The following FHAD1 variants were observed in gnomAD, a reference collection of about 807,000 sequenced individuals.
The protein encoded by FHAD1 is forkhead-associated domain-containing protein 1.
In FHAD1, 146 loss-of-function variants were observed where a neutral mutation model predicts 191.3. That is an observed-to-expected ratio of 0.76 (90% CI 0.67 to 0.88). The LOEUF (loss-of-function observed/expected upper bound fraction) is 0.88. Ranked by LOEUF, FHAD1 falls within the 40% of genes least tolerant of loss-of-function variation. FHAD1 has a pLI of 0.00. For missense variants in FHAD1, 1,635 were observed against 1,785.8 expected (o/e 0.92, Z 1.52); for synonymous variants, 616 against 672.3 (o/e 0.92, Z 1.29).
chr1:15,251,674 T>C (rs1042631212), intron 1 of FHAD1, 97 bp from the exon 2 acceptor site: 196 of 938,864 alleles, frequency 2.1e-4, no homozygotes, highest in Middle Eastern at 2.8e-4. Context: ...ACTTTGGACA[T>C]GACTCTGTGG....
chr1:15,313,932 C>T (rs559252956), intron 8 of FHAD1, among the ~76,000 whole-genome samples: 2 of 151,710 alleles, frequency 1.3e-5, no homozygotes, highest in East Asian at 1.9e-4. Context: ...ATTAGCCAGG[C>T]GCCTGTAATC....
chr1:15,246,824 CTCTT>C (rs927769388), upstream of FHAD1, among the ~76,000 whole-genome samples: 2 of 152,050 alleles, frequency 1.3e-5, no homozygotes, highest in African/African-American at 4.8e-5. Context: ...CCTCTTCTTA[CTCTT>C]TCTATTTTCT....
chr1:15,366,404 C>G (rs755744120), intron 24 of FHAD1, among the ~76,000 whole-genome samples: 54 of 152,154 alleles, frequency 3.5e-4, no homozygotes, highest in Non-Finnish European at 1.0e-4. Flanking sequence ...GGATATGTCC[C>G]TGATTCCTAC....
In FHAD1 at chr1:15,295,634, C is replaced by CATATAT. The variant is rs34586844; in HGVS notation, c.569-1040_569-1035dup. 1.8e-3 allele frequency among the ~76,000 whole-genome samples: 268 copies of CATATAT among 150,508 alleles called. 3 individuals are homozygous for CATATAT. The highest frequency in any genetic ancestry group is 6.3e-3 in the African/African-American group (257 of 41,054). ...CTGTGTGTGTGTCTCTCTCTCTAAA[C>CATATAT]ATATATATATATATACACACATACT... On this transcript the variant is annotated intron_variant, in intron 4 of 33. Transcript: ENST00000688493.
In FHAD1 at chr1:15,352,938, A is replaced by C; in HGVS notation, c.2516A>C (p.Lys839Thr). Residue 839 changes from lysine to threonine, a missense_variant, in exon 20 of 34, where the codon AAG becomes ACG. Lys to Thr is a moderately conservative substitution (Grantham distance 78). Transcript: ENST00000688493. ...RKAKEAMEKE[K>T]KKVQDLENRL... ...GCAAAGGAGGCCATGGAGAAGGAAA[A>C]GAAAAAGGTGCAAGACCTGGAGAAT... is the stretch of plus-strand genomic sequence containing the variant. 6.4e-7 allele frequency: 1 copy of C among 1,551,512 alleles called. No homozygotes were observed. Among genetic ancestry groups the C allele is most frequent in the Non-Finnish European group, 8.7e-7 (1 of 1,146,984 alleles).
intron 4 of FHAD1, 103 bp from the exon 5 acceptor site, chr1:15,296,581 A>C: frequency 1.8e-6 from 2 of 1,083,450 alleles, no homozygotes; most frequent in Non-Finnish European, 2.8e-6. Flanking sequence ...TAAAATATCA[A>C]TCTCTGGGGG....
In FHAD1 at chr1:15,350,214, C is replaced by T. The variant is rs115178388; in HGVS notation, c.2454+1065C>T. On this transcript the variant is annotated intron_variant, in intron 19 of 33. Transcript: ENST00000688493. ...TGGGTGCCACAGACACCGCAGTGAGCAAGACAGACCAGGGCCAGGCTGCCA... is the reference window on the plus strand; with the variant it reads ...TGGGTGCCACAGACACCGCAGTGAGTAAGACAGACCAGGGCCAGGCTGCCA... Among the ~76,000 whole-genome samples, 901 of 152,388 alleles carry T rather than the reference C, an allele frequency of 5.9e-3. 3 individuals carry two copies. Among genetic ancestry groups the T allele is most frequent in the Non-Finnish European group, 0.01 (699 of 68,036 alleles).
At chr1:15,367,646 G>C (rs953402519) in intron 25 of FHAD1, 24 bp downstream of exon 25, 4 of 1,495,698 alleles carry the variant, frequency 2.7e-6, no homozygotes, top group African/African-American at 1.4e-5. Context: ...GGGCCGGGTT[G>C]GGGGGATGGT....
intron 3 of FHAD1, 103 bp downstream of exon 3, chr1:15,272,632 T>TCTTCATTGGCTTCGTTTG: frequency 9.8e-7 from 1 of 1,017,944 alleles, no homozygotes; most frequent in African/African-American, 1.6e-5. Context: ...GGTGCCACTG[T>TCTTCATTGGCTTCGTTTG]GATCGCACGC....
At chr1:15,307,320 C>T (rs989530951) in intron 6 of FHAD1, among the ~76,000 whole-genome samples, 10 of 152,108 alleles carry the variant, frequency 6.6e-5, no homozygotes, top group South Asian at 2.1e-4. Flanking sequence ...GGCTCATAGG[C>T]GGGAAGGACT....
At chr1:15,307,600 G>A (rs546553786) in intron 6 of FHAD1, among the ~76,000 whole-genome samples, 1 of 152,264 alleles carries the variant, frequency 6.6e-6, no homozygotes, top group South Asian at 2.1e-4. Flanking sequence ...TAGTTACAGG[G>A]AATAAGTCTC....
chr1:15,289,422 C>T lies in FHAD1; in HGVS notation c.324C>T (p.Gly108=). 6.4e-7 allele frequency: 1 copy of T among 1,551,750 alleles called. No homozygotes were observed. The highest frequency in any genetic ancestry group is 8.7e-7 in the Non-Finnish European group (1 of 1,147,010). ...PPPVSFPWMR[G]PAPWPGPQPP... is the part of the protein sequence containing the mutation. The stretch of plus-strand genomic sequence containing the variant: ...AGGTCTCTTTCCCATGGATGAGGGG[C>T]CCAGCACCATGGCCAGGGCCACAGC... The change falls in exon 4 of 34, where the codon GGC becomes GGT. Residue 108 remains glycine, a synonymous_variant. Transcript: ENST00000688493. The surrounding 1 kb of genome is among the most constrained non-coding windows in gnomAD (Gnocchi z 4.2).
intron 2 of FHAD1, among the ~76,000 whole-genome samples, chr1:15,265,717 A>G (rs1653119018): frequency 6.6e-6 from 1 of 152,144 alleles, no homozygotes; most frequent in African/African-American, 2.4e-5. Flanking sequence ...CACACCTGTA[A>G]TCCCAGCACT....
chr1:15,284,019 A>G (rs1158535486), intron 3 of FHAD1, among the ~76,000 whole-genome samples: 1 of 152,208 alleles, frequency 6.6e-6, no homozygotes, highest in Non-Finnish European at 1.5e-5. Flanking sequence ...ACCTGGGGCA[A>G]GTCTCTGAAC....
At chr1:15,345,976 G>A (rs1050631971) in intron 18 of FHAD1, among the ~76,000 whole-genome samples, 6 of 152,170 alleles carry the variant, frequency 3.9e-5, no homozygotes, top group Non-Finnish European at 8.8e-5. Context: ...CCGACAGAAA[G>A]TTTTCCCTTT....
Position 15,381,974 on chromosome 1 carries a change from T to C in FHAD1, c.4023-54T>C, listed in dbSNP as rs544874318. 2 of 1,535,596 alleles carry C rather than the reference T, an allele frequency of 1.3e-6. No homozygotes were observed. The highest frequency in any genetic ancestry group is 2.5e-5 in the East Asian group (1 of 40,576). ...GAGACTTCCGGGTCTGGCACATTGA[T>C]GATGATTGGGAAAGATAAGGGAAAA... On this transcript the variant is annotated intron_variant, in intron 30 of 33. Transcript: ENST00000688493. The surrounding 1 kb of genome is among the most constrained non-coding windows in gnomAD (Gnocchi z 4.6).
rs2102982100 is a variant in FHAD1 at position 15,380,800 on chromosome 1, T to C, written c.3801+4T>C. 1 of 1,550,996 alleles carries C rather than the reference T, an allele frequency of 6.4e-7. No individual in the cohort carries two copies. Among genetic ancestry groups the C allele is most frequent in the Non-Finnish European group, 8.7e-7 (1 of 1,146,588 alleles). On this transcript the variant is annotated splice_donor_region_variant and intron_variant, in intron 29 of 33. Coordinates refer to ENST00000688493, the MANE Select transcript of FHAD1 (RefSeq NM_001391957.1). ...TTTAGAGCTCAGTGAAAAGCTGGTA[T>C]GTACATCCAGCATCCACCCTGCTCC...
chr1:15,302,010 G>A (rs1391026951), intron 6 of FHAD1, among the ~76,000 whole-genome samples: 1 of 152,104 alleles, frequency 6.6e-6, no homozygotes, highest in Non-Finnish European at 1.5e-5. Flanking sequence ...GTGAGACCCT[G>A]TCTCAAAAAG....
Position 15,269,583 on chromosome 1 carries a change from G to T in FHAD1, c.94-2740G>T, listed in dbSNP as rs370537768. Among the ~76,000 whole-genome samples the T allele has an allele frequency of 1.4e-4, 21 of 152,282 alleles. No homozygotes were observed. In the East Asian group the frequency reaches 3.7e-3, roughly 27 times the overall value. Reference sequence around the variant, plus strand: ...GGTGTGTTTTATGGCTCAGAATGTGGTATAGCTTAGTGAGTGTTCCATGTC... The same window carrying T: ...GGTGTGTTTTATGGCTCAGAATGTGTTATAGCTTAGTGAGTGTTCCATGTC... On this transcript the variant is annotated intron_variant, in intron 2 of 33. Transcript: ENST00000688493.
Sources: gnomAD v4.1 joint callset for allele counts (sites outside exome capture counted in the v4.1 genomes callset) on GRCh38, gnomAD v4.1.1 for gene constraint, Gnocchi (gnomAD v3.1) non-coding constraint, MANE v1.5 for transcripts, NCBI Gene and HGNC (gene_info 2026-07-23, HGNC 2026-07-21) for gene names.